Variants in ZNF567 observed in about 807,000 individuals in gnomAD.
ZNF567 encodes zinc finger protein 567.
ZNF567 carries 36 observed loss-of-function variants against 53.9 expected under a neutral mutation model. The observed-to-expected ratio is 0.67, with a 90% confidence interval of 0.51 to 0.88. The LOEUF (loss-of-function observed/expected upper bound fraction) is 0.88, where lower values mean the gene tolerates loss of function less well. ZNF567 is among the 40% of genes least tolerant of loss of function. The pLI is 0.00. For missense variants in ZNF567, 619 were observed against 764.7 expected (o/e 0.81, Z 2.25); for synonymous variants, 224 against 260.4 (o/e 0.86, Z 1.35).
chr19:36,672,178 C>T, the ZNF567 span, among the ~76,000 whole-genome samples: 31 of 152,146 alleles, frequency 2.0e-4, no homozygotes, highest in African/African-American at 5.8e-4. Flanking sequence ...CTCTGAGCAC[C>T]GCACCTGGTT....
At chr19:36,702,293 C>A (rs532859452) in intron 3 of ZNF567, among the ~76,000 whole-genome samples, 3 of 152,074 alleles carry the variant, frequency 2.0e-5, no homozygotes, top group Admixed American at 1.3e-4. Context: ...GCGAGAGATC[C>A]GCTGTTAGTC....
chr19:36,705,014 T>A (rs2039419893), intron 3 of ZNF567, among the ~76,000 whole-genome samples: 2 of 152,224 alleles, frequency 1.3e-5, no homozygotes, highest in Admixed American at 6.5e-5. Context: ...CTTTTTATCC[T>A]TTTGATGTTT....
At chr19:36,710,112 CTG>C in intron 3 of ZNF567, among the ~76,000 whole-genome samples, 1 of 152,074 alleles carries the variant, frequency 6.6e-6, no homozygotes, top group East Asian at 1.9e-4. Context: ...CTTTGTGAGT[CTG>C]TTCATTTTTC....
chr19:36,714,256 G>C (rs2039934252), intron 5 of ZNF567: 2 of 301,036 alleles, frequency 6.6e-6, no homozygotes, highest in Non-Finnish European at 1.2e-5. Context: ...CCGCCTCCCA[G>C]GTTCAAATGA....
At chr19:36,707,537 T>C (rs73039907) in intron 3 of ZNF567, among the ~76,000 whole-genome samples, 26,655 of 152,190 alleles carry the variant, frequency 0.18, 2,551 homozygotes, top group Non-Finnish European at 0.22. Flanking sequence ...TATCTTTTTT[T>C]CTACATTCTT....
chr19:36,694,770 T>G, intron 2 of ZNF567, 32 bp from the exon 3 acceptor site: 3 of 1,206,362 alleles, frequency 2.5e-6, no homozygotes, highest in East Asian at 2.6e-5. Flanking sequence ...TGGTCTCATG[T>G]GGCTTTTTTT....
chr19:36,668,350 C>T, the ZNF567 span: 1 of 152,264 alleles, frequency 6.6e-6, no homozygotes, highest in Non-Finnish European at 1.5e-5. Context: ...GGGGGTGATA[C>T]GTGATGTGGC....
At chr19:36,698,767 G>A (rs1470194609) in intron 3 of ZNF567, among the ~76,000 whole-genome samples, 1 of 151,858 alleles carries the variant, frequency 6.6e-6, no homozygotes, top group African/African-American at 2.4e-5. Flanking sequence ...CTTTTTGATG[G>A]GGTTGTTTTT....
downstream of ZNF567, among the ~76,000 whole-genome samples, chr19:36,724,169 G>A (rs984853398): frequency 6.6e-6 from 1 of 151,398 alleles, no homozygotes; most frequent in African/African-American, 2.4e-5. Context: ...CCCATGCCTG[G>A]CTAATTTTGT....
intron 3 of ZNF567, among the ~76,000 whole-genome samples, chr19:36,703,080 T>C (rs1339260045): frequency 6.6e-6 from 1 of 152,182 alleles, no homozygotes; most frequent in African/African-American, 2.4e-5. Flanking sequence ...TCTTTGATGA[T>C]GGTGATGTAC....
chr19:36,719,529 A>G lies in ZNF567; in HGVS notation c.805A>G (p.Ile269Val). 6.2e-7 allele frequency: 1 copy of G among 1,614,048 alleles called. No individual in the cohort carries two copies. Among genetic ancestry groups the G allele is most frequent in the Admixed American group, 1.7e-5 (1 of 60,002 alleles). Residue 269 changes from isoleucine to valine, a missense_variant, in exon 6 of 6, where the codon ATT becomes GTT. By Grantham distance (29) the Ile-to-Val change is conservative. Coordinates refer to ENST00000682579, the MANE Select transcript of ZNF567 (RefSeq NM_001322917.1). Reference sequence around the variant, plus strand: ...ATCTTTCTGCAGGAAATCAGTATTGATTCTGCATCAGGGAATTCACTCAGA... The same window carrying G: ...ATCTTTCTGCAGGAAATCAGTATTGGTTCTGCATCAGGGAATTCACTCAGA... ...GKSFCRKSVL[I>V]LHQGIHSEEK... is the part of the protein sequence containing the mutation.
intron 3 of ZNF567, among the ~76,000 whole-genome samples, chr19:36,695,628 G>A (rs2038846376): frequency 6.6e-6 from 1 of 151,730 alleles, no homozygotes; most frequent in Non-Finnish European, 1.5e-5. Context: ...AAGCCCAGAG[G>A]TCAGGTCTAC....
At chr19:36,668,263 C>G in the ZNF567 span, 1 of 152,310 alleles carries the variant, frequency 6.6e-6, no homozygotes, top group Admixed American at 6.5e-5. Flanking sequence ...GGTTTTGAGG[C>G]TTTTTGAGAA....
At chr19:36,677,458 C>CAAAAAA in the ZNF567 span, among the ~76,000 whole-genome samples, 12 of 50,912 alleles carry the variant, frequency 2.4e-4, 1 homozygote, top group Non-Finnish European at 3.3e-4. Context: ...GACTCTGTCT[C>CAAAAAA]AAAAAAAAAA....
intron 3 of ZNF567, among the ~76,000 whole-genome samples, chr19:36,704,499 A>G (rs2039391652): frequency 1.3e-5 from 2 of 152,124 alleles, no homozygotes; most frequent in Admixed American, 6.5e-5. Context: ...TCTTTTTTTA[A>G]TATTACTATA....
rs1387237687 is a variant in ZNF567 at position 36,720,921 on chromosome 19, T to TA, written c.*258dup. 9 of 253,654 alleles carry TA rather than the reference T, an allele frequency of 3.5e-5. No individual in the cohort carries two copies. The Admixed American group carries it at 4.4e-4, about 12-fold the overall frequency. 15.7% of individuals were successfully genotyped at this position (253,654 alleles called of 1,614,324 possible). ...CTACTGACTCAAATAGTTTATTTTT[T>TA]AAAAATACTTATATAATACATGCAG... On this transcript the variant is annotated 3_prime_UTR_variant, in exon 6 of 6. Transcript: ENST00000682579.
At chr19:36,716,370 A>G (rs753321121) in intron 5 of ZNF567, among the ~76,000 whole-genome samples, 4 of 152,326 alleles carry the variant, frequency 2.6e-5, no homozygotes, top group East Asian at 3.9e-4. Context: ...ATTACTGCAC[A>G]TCATATCTAC....
intron 3 of ZNF567, among the ~76,000 whole-genome samples, chr19:36,695,694 A>AT (rs1490749042): frequency 5.2e-5 from 7 of 133,648 alleles, no homozygotes; most frequent in Non-Finnish European, 1.2e-4. Context: ...GACTCTCTTT[A>AT]TTAAAAAAAA....
chr19:36,678,176 T>C, the ZNF567 span, among the ~76,000 whole-genome samples: 1 of 152,200 alleles, frequency 6.6e-6, no homozygotes, highest in Non-Finnish European at 1.5e-5. Flanking sequence ...TCAGCTGATA[T>C]GAAGAGTCAA....
Sources: gnomAD v4.1 joint callset for allele counts (sites outside exome capture counted in the v4.1 genomes callset) on GRCh38, gnomAD v4.1.1 for gene constraint, MANE v1.5 for transcripts, NCBI Gene and HGNC (gene_info 2026-07-23, HGNC 2026-07-21) for gene names.